BLOC1S5: variants seen among roughly 807,000 people sequenced by gnomAD.
BLOC1S5 encodes biogenesis of lysosome-related organelles complex 1 subunit 5.
Under a neutral mutation model 24.3 loss-of-function variants are expected in BLOC1S5, and 27 were observed. The observed-to-expected ratio is 1.11, with a 90% CI of 0.82 to 1.53. The LOEUF is 1.53. Among genes scored for constraint, BLOC1S5 ranks in the 40% most tolerant of loss-of-function variants. The probability of loss-of-function intolerance (pLI) is 0.00; values close to 1 mark genes in which losing one functional copy is unlikely to be tolerated. For missense variants in BLOC1S5, 239 were observed against 229.4 expected, an observed-to-expected ratio of 1.04 and a Z score of -0.27; for synonymous variants, 84 against 74.5, an observed-to-expected ratio of 1.13 and a Z score of -0.66.
intron 3 of BLOC1S5, among the ~76,000 whole-genome samples, chr6:8,029,074 T>TA (rs1561858214): frequency 1.3e-5 from 2 of 151,984 alleles, no homozygotes; most frequent in Admixed American, 1.3e-4. Flanking sequence ...TTTCCTCACA[T>TA]AAAAAAGAAA....
chr6:8,033,451 T>C (rs1763373495), intron 3 of BLOC1S5, among the ~76,000 whole-genome samples: 1 of 152,162 alleles, frequency 6.6e-6, no homozygotes, highest in African/African-American at 2.4e-5. Flanking sequence ...CTGGATCCCT[T>C]CCTTACACCT....
At chr6:8,057,455 A>G (rs2294436) in intron 2 of BLOC1S5, among the ~76,000 whole-genome samples, 23,785 of 152,206 alleles carry the variant, frequency 0.16, 1,936 homozygotes, top group Admixed American at 0.18. Context: ...AAATTCTCAG[A>G]GCAAAGCTCA....
At chr6:8,051,379 G>C (rs1001410208) in intron 2 of BLOC1S5, among the ~76,000 whole-genome samples, 1 of 152,186 alleles carries the variant, frequency 6.6e-6, no homozygotes, top group African/African-American at 2.4e-5. Context: ...AGGTGAGGAA[G>C]CTGCAGAAGG....
At chr6:8,037,671 T>C (rs571976029) in intron 3 of BLOC1S5, among the ~76,000 whole-genome samples, 1 of 152,226 alleles carries the variant, frequency 6.6e-6, no homozygotes, top group African/African-American at 2.4e-5. Flanking sequence ...CAAAGCAATT[T>C]TGAGCAAAAA....
intron 3 of BLOC1S5, among the ~76,000 whole-genome samples, chr6:8,030,591 G>T (rs937503273): frequency 4.2e-4 from 63 of 151,260 alleles, no homozygotes; most frequent in Non-Finnish European, 7.7e-4. Flanking sequence ...CTCAAGAAAG[G>T]CCAGGTACAG....
At chr6:8,027,849 C>T (rs935496882) in intron 3 of BLOC1S5, among the ~76,000 whole-genome samples, 4 of 151,134 alleles carry the variant, frequency 2.6e-5, no homozygotes, top group Non-Finnish European at 5.9e-5. Flanking sequence ...ATACAATAAG[C>T]AATCAAGAAC....
chr6:8,043,364 T>C (rs1763757758), intron 2 of BLOC1S5, among the ~76,000 whole-genome samples: 1 of 152,156 alleles, frequency 6.6e-6, no homozygotes, highest in South Asian at 2.1e-4. Context: ...TTATCAGTGG[T>C]ATCGTGTTGA....
At chr6:8,054,612 T>C (rs1339307669) in intron 2 of BLOC1S5, among the ~76,000 whole-genome samples, 1 of 152,238 alleles carries the variant, frequency 6.6e-6, no homozygotes, top group Non-Finnish European at 1.5e-5. Context: ...ATGAGACAGA[T>C]ATATCTGTTA....
intron 2 of BLOC1S5, among the ~76,000 whole-genome samples, chr6:8,050,204 T>A (rs956246883): frequency 3.3e-5 from 5 of 152,220 alleles, no homozygotes; most frequent in Non-Finnish European, 1.5e-5. Context: ...TTTCACAAGT[T>A]TTCATTATTA....
intron 2 of BLOC1S5, among the ~76,000 whole-genome samples, chr6:8,043,369 T>C (rs1355522086): frequency 1.3e-5 from 2 of 152,176 alleles, no homozygotes; most frequent in African/African-American, 4.8e-5. Flanking sequence ...AGTGGTATCG[T>C]GTTGATAGCA....
intron 2 of BLOC1S5, among the ~76,000 whole-genome samples, chr6:8,056,027 G>A (rs1581434338): frequency 6.6e-6 from 1 of 152,146 alleles, no homozygotes; most frequent in South Asian, 2.1e-4. Context: ...TTTATAAGTA[G>A]ACAAGTTCAG....
intron 2 of BLOC1S5, among the ~76,000 whole-genome samples, chr6:8,049,884 T>C (rs1040524373): frequency 1.3e-5 from 2 of 152,032 alleles, no homozygotes; most frequent in Admixed American, 1.3e-4. Flanking sequence ...CCAATTTTTG[T>C]ATTCTTTGTA....
intron 2 of BLOC1S5, among the ~76,000 whole-genome samples, chr6:8,059,042 T>C (rs1764426501): frequency 6.6e-6 from 1 of 152,252 alleles, no homozygotes; most frequent in African/African-American, 2.4e-5. Flanking sequence ...ACCATCAGTC[T>C]CTGCTCTGCT....
At chr6:8,062,346 ATCCTGCTGTT>A (rs1240771361) in intron 2 of BLOC1S5, among the ~76,000 whole-genome samples, 178 bp downstream of exon 2, 3 of 152,204 alleles carry the variant, frequency 2.0e-5, no homozygotes, top group Non-Finnish European at 4.4e-5. Context: ...GAACTTATGT[ATCCTGCTGTT>A]TAGTATGGAA....
chr6:8,021,673 G>C (rs754308953), intron 4 of BLOC1S5, among the ~76,000 whole-genome samples: 4 of 152,100 alleles, frequency 2.6e-5, no homozygotes, highest in Non-Finnish European at 4.4e-5. Context: ...GAACAACAAT[G>C]TGAATATAGA....
chr6:8,017,639 G>A (rs922252643), intron 4 of BLOC1S5: 7 of 152,208 alleles, frequency 4.6e-5, no homozygotes, highest in African/African-American at 1.7e-4. Context: ...ATAAGCCAAT[G>A]TGCTCTAAGT....
At chr6:8,035,736 T>C (rs562246978) in intron 3 of BLOC1S5, among the ~76,000 whole-genome samples, 4 of 152,142 alleles carry the variant, frequency 2.6e-5, no homozygotes, top group Non-Finnish European at 4.4e-5. Context: ...CCCAAGTACA[T>C]ACAGGAAACA....
In BLOC1S5 at chr6:8,064,342, C is replaced by T. The variant is rs577354653; in HGVS notation, c.35G>A (p.Cys12Tyr). The change falls in exon 1 of 5, where the codon TGT becomes TAT. Residue 12 changes from cysteine to tyrosine, a missense_variant. Physicochemically the swap from Cys to Tyr is radical, Grantham distance 194 (BLOSUM62 -2). Transcript: ENST00000397457. ...SGGGTETPVG[C>Y]EAAPGGGSKK... ...GCTGCCACCGCCCGGGGCGGCCTCA[C>T]AACCCACAGGGGTCTCTGTCCCTCC... The T allele has an allele frequency of 5.1e-5, 82 of 1,612,760 alleles. No homozygotes were observed. In the South Asian group the frequency reaches 8.5e-4, roughly 17 times the overall value.
intron 4 of BLOC1S5, among the ~76,000 whole-genome samples, chr6:8,021,272 T>C (rs537321959): frequency 1.3e-5 from 2 of 152,282 alleles, no homozygotes; most frequent in South Asian, 4.2e-4. Flanking sequence ...AGTTACCGTT[T>C]ACTGGGTACA....
Sources: gnomAD v4.1 joint callset for allele counts (sites outside exome capture counted in the v4.1 genomes callset) on GRCh38, gnomAD v4.1.1 for gene constraint, MANE v1.5 for transcripts, NCBI Gene and HGNC (gene_info 2026-07-23, HGNC 2026-07-21) for gene names.